PTPN9: variants seen among roughly 807,000 people sequenced by gnomAD.
PTPN9 encodes the protein tyrosine-protein phosphatase non-receptor type 9.
Under a neutral mutation model 69.8 loss-of-function variants are expected in PTPN9, and 26 were observed. The ratio of observed to expected loss-of-function variants is 0.37; its 90% CI spans 0.27 to 0.52. The LOEUF (loss-of-function observed/expected upper bound fraction) is 0.52. Among genes scored for constraint, PTPN9 ranks in the 20% least tolerant of loss-of-function variants. The pLI is 0.91. For synonymous variants in PTPN9, 274 were observed against 272.5 expected, an observed-to-expected ratio of 1.01 and a Z score of -0.05; for missense variants, 549 against 740.3, an observed-to-expected ratio of 0.74 and a Z score of 3.00.
At chr15:75,481,895 C>T (rs1174141154) in intron 8 of PTPN9, among the ~76,000 whole-genome samples, 4 of 146,604 alleles carry the variant, frequency 2.7e-5, no homozygotes, top group Admixed American at 1.4e-4. Flanking sequence ...CGCCTCTGCC[C>T]GGCCGCCCCT....
At chr15:75,534,565 C>T (rs1189334594) in intron 1 of PTPN9, among the ~76,000 whole-genome samples, 1 of 151,694 alleles carries the variant, frequency 6.6e-6, no homozygotes, top group Non-Finnish European at 1.5e-5. Flanking sequence ...GTCCCAGCTA[C>T]TCGGGGGGCT....
chr15:75,514,295 T>G (rs1179451410), intron 5 of PTPN9, among the ~76,000 whole-genome samples: 2 of 151,738 alleles, frequency 1.3e-5, no homozygotes, highest in Admixed American at 6.6e-5. Flanking sequence ...CTAAGCGCTG[T>G]GGGTCGGGCA....
At chr15:75,481,827 AG>A (rs2074636912) in intron 8 of PTPN9, among the ~76,000 whole-genome samples, 1 of 110,226 alleles carries the variant, frequency 9.1e-6, no homozygotes, top group Admixed American at 9.5e-5. Context: ...TCCGGGAGGG[AG>A]GTGGGGGGGG....
At chr15:75,560,878 G>T (rs1410005987) in intron 1 of PTPN9, among the ~76,000 whole-genome samples, 10 of 151,718 alleles carry the variant, frequency 6.6e-5, no homozygotes, top group Admixed American at 6.6e-4. Flanking sequence ...AAGTAGCCAG[G>T]CATGGTGGCT....
chr15:75,482,606 C>T (rs1180059117), intron 8 of PTPN9, among the ~76,000 whole-genome samples: 1 of 146,796 alleles, frequency 6.8e-6, no homozygotes, highest in Non-Finnish European at 1.5e-5. Flanking sequence ...CATCACCAAT[C>T]CCTAATCTCA....
At chr15:75,493,612 C>G (rs1309193634) in intron 7 of PTPN9, among the ~76,000 whole-genome samples, 1 of 151,782 alleles carries the variant, frequency 6.6e-6, no homozygotes, top group Non-Finnish European at 1.5e-5. Flanking sequence ...ATACAAAAAT[C>G]AGCAGGGCAT....
chr15:75,521,742 G>A (rs2074906237), intron 4 of PTPN9, among the ~76,000 whole-genome samples: 1 of 152,174 alleles, frequency 6.6e-6, no homozygotes, highest in Admixed American at 6.6e-5. Context: ...CTGAGGATAG[G>A]AGATCCATGA....
rs549852835 is a variant in PTPN9 at position 75,578,674 on chromosome 15, GC to G, written c.63+39del. 2.0e-4 allele frequency: 276 copies of G among 1,347,868 alleles called. No homozygotes were observed. The African/African-American group carries it at 3.9e-3, about 19-fold the overall frequency. The allele number at this position is 1,347,868 out of a possible 1,614,324, so 83.5% of individuals were successfully genotyped here. On this transcript the variant is annotated intron_variant, in intron 1 of 12. Coordinates refer to ENST00000618819, the MANE Select transcript of PTPN9 (RefSeq NM_002833.4). ...GCAGAGGCCGGCGTAGGCCTCGGGG[GC>G]CCGGACACACCCAACGCGGCGGCCT...
chr15:75,497,175 A>G lies in PTPN9; in HGVS notation c.969-6874T>C, dbSNP rs568300490. 2.0e-5 allele frequency among the ~76,000 whole-genome samples: 3 copies of G among 152,290 alleles called. No individual in the cohort carries two copies. In the South Asian group the frequency reaches 6.2e-4, roughly 32 times the overall value. On this transcript the variant is annotated intron_variant, in intron 7 of 12. Transcript: ENST00000618819. ...TTAGAAGGAATTTCAACTTTATAAT[A>G]AATTCTTTCTCTCATATAATAATTA...
At position 75,552,237 on chromosome 15, in the gene PTPN9, A is replaced by G. The variant is rs1333393763; in HGVS notation, c.64-24976T>C. 3.6e-5 allele frequency among the ~76,000 whole-genome samples: 5 copies of G among 139,392 alleles called. No individual in the cohort carries two copies. The East Asian group carries it at 1.0e-3, about 29-fold the overall frequency. 91.4% of individuals were successfully genotyped at this position (139,392 alleles called of 152,430 possible). On this transcript the variant is annotated intron_variant, in intron 1 of 12. Transcript: ENST00000618819. ...AACATAGAGAAACCCCATCTCTACT[A>G]AAAAAAAAAAAAGTAGAAAATTAAC...
chr15:75,557,604 G>A (rs2075083322), intron 1 of PTPN9, among the ~76,000 whole-genome samples: 1 of 152,114 alleles, frequency 6.6e-6, no homozygotes, highest in South Asian at 2.1e-4. Flanking sequence ...CACAGTGGCT[G>A]TACCATTTTA....
chr15:75,487,970 TAA>T (rs1305715137), intron 8 of PTPN9, among the ~76,000 whole-genome samples: 2 of 152,222 alleles, frequency 1.3e-5, no homozygotes, highest in East Asian at 1.9e-4. Flanking sequence ...TGTGTCATGT[TAA>T]AGAGGCACTA....
chr15:75,573,869 G>A (rs1310831726), intron 1 of PTPN9, among the ~76,000 whole-genome samples: 2 of 152,174 alleles, frequency 1.3e-5, no homozygotes, highest in African/African-American at 4.8e-5. Flanking sequence ...AACCTATTAG[G>A]TTAGAATCTA....
intron 1 of PTPN9, among the ~76,000 whole-genome samples, chr15:75,559,106 A>AT (rs1303629123): frequency 1.9e-4 from 28 of 146,684 alleles, no homozygotes; most frequent in African/African-American, 6.6e-4. Flanking sequence ...CCAGCCGCCC[A>AT]TCGTCTGAGA....
intron 1 of PTPN9, among the ~76,000 whole-genome samples, chr15:75,554,010 T>C (rs1170998856): frequency 1.3e-5 from 2 of 149,574 alleles, no homozygotes; most frequent in African/African-American, 4.9e-5. Context: ...TCTTTCTTTT[T>C]TTTTTTTTTT....
chr15:75,574,085 C>G (rs1339746095), intron 1 of PTPN9, among the ~76,000 whole-genome samples: 1 of 152,032 alleles, frequency 6.6e-6, no homozygotes, highest in Non-Finnish European at 1.5e-5. Context: ...TAGCTAGGGC[C>G]TAGGCTGCTC....
intron 1 of PTPN9, among the ~76,000 whole-genome samples, chr15:75,555,678 T>C (rs893918471): frequency 2.0e-5 from 3 of 151,920 alleles, no homozygotes; most frequent in Non-Finnish European, 2.9e-5. Context: ...ATAATTTATG[T>C]ATTTTTTGTA....
intron 8 of PTPN9, among the ~76,000 whole-genome samples, chr15:75,482,564 CAAAAA>C (rs145653223): frequency 8.5e-5 from 3 of 35,402 alleles, no homozygotes; most frequent in South Asian, 1.7e-3. Flanking sequence ...GACTCCGTCT[CAAAAA>C]AAAAAAAAAA....
At chr15:75,523,335 CATGTAGAAAACAG>C in intron 3 of PTPN9, 90 bp from the exon 4 acceptor site, 1 of 1,399,934 alleles carries the variant, frequency 7.1e-7, no homozygotes, top group South Asian at 1.4e-5. Flanking sequence ...GGGTTTGATA[CATGTAGAAAACAG>C]ATGCTAACAA....
Sources: gnomAD v4.1 joint callset for allele counts (sites outside exome capture counted in the v4.1 genomes callset) on GRCh38, gnomAD v4.1.1 for gene constraint, MANE v1.5 for transcripts, NCBI Gene and HGNC (gene_info 2026-07-23, HGNC 2026-07-21) for gene names.